The following CDH12 variants were observed in gnomAD, a reference collection of about 807,000 sequenced individuals.
CDH12 encodes the protein cadherin 12.
In CDH12, 41 loss-of-function variants were observed where a neutral mutation model predicts 74.1. That is an observed-to-expected ratio of 0.55 (90% CI 0.43 to 0.72). The LOEUF (loss-of-function observed/expected upper bound fraction) is 0.72, where lower values mean the gene tolerates loss of function less well. CDH12 is among the 30% of genes least tolerant of loss of function. The probability of loss-of-function intolerance (pLI) is 0.00; values close to 1 mark genes in which losing one functional copy is unlikely to be tolerated. For missense variants in CDH12, 945 were observed against 977.2 expected (o/e 0.97, Z 0.44); for synonymous variants, 399 against 355.0 (o/e 1.12, Z -1.39).
At chr5:21,865,309 T>A (rs1751268791) in intron 6 of CDH12, among the ~76,000 whole-genome samples, 1 of 152,144 alleles carries the variant, frequency 6.6e-6, no homozygotes, top group Non-Finnish European at 1.5e-5. Context: ...CCTAGCCATC[T>A]AATAAATGAA....
At chr5:22,713,430 C>T (rs563140028) in intron 1 of CDH12, among the ~76,000 whole-genome samples, 3 of 152,016 alleles carry the variant, frequency 2.0e-5, no homozygotes, top group South Asian at 4.2e-4. Flanking sequence ...CATGAGCCAC[C>T]GCACCCGGCC....
chr5:22,843,869 A>G (rs1338325579), intron 1 of CDH12, among the ~76,000 whole-genome samples: 2 of 152,084 alleles, frequency 1.3e-5, no homozygotes, highest in Non-Finnish European at 2.9e-5. Flanking sequence ...TTGATAAGAC[A>G]TTTATAAGAA....
intron 3 of CDH12, among the ~76,000 whole-genome samples, chr5:22,265,207 C>G (rs955505470): frequency 6.6e-6 from 1 of 152,038 alleles, no homozygotes; most frequent in Admixed American, 6.6e-5. Context: ...CATCAATCAG[C>G]AGGAGGTTAG....
chr5:22,583,587 A>C (rs973396109), intron 1 of CDH12, among the ~76,000 whole-genome samples: 1 of 152,182 alleles, frequency 6.6e-6, no homozygotes, highest in Non-Finnish European at 1.5e-5. Context: ...ACACATGTAG[A>C]GGTTATTTGC....
At chr5:21,973,140 A>G (rs1476838795) in intron 6 of CDH12, among the ~76,000 whole-genome samples, 1 of 151,984 alleles carries the variant, frequency 6.6e-6, no homozygotes, top group African/African-American at 2.4e-5. Flanking sequence ...CCAGGAATTT[A>G]AGGCTTCAGT....
chr5:21,844,023 C>G (rs1041873411), intron 7 of CDH12, among the ~76,000 whole-genome samples: 4 of 152,208 alleles, frequency 2.6e-5, no homozygotes, highest in African/African-American at 7.2e-5. Flanking sequence ...ATTTCTATCA[C>G]TATCCAACAG....
At chr5:22,509,911 T>C (rs1258447144) in intron 1 of CDH12, among the ~76,000 whole-genome samples, 1 of 151,962 alleles carries the variant, frequency 6.6e-6, no homozygotes, top group Admixed American at 6.6e-5. Flanking sequence ...AAGCATGGTA[T>C]AGCACTGGAG....
intron 3 of CDH12, among the ~76,000 whole-genome samples, chr5:22,340,146 G>A: frequency 6.6e-6 from 1 of 152,114 alleles, no homozygotes. Context: ...TTGAGCATTA[G>A]CACTTCAGAA....
At chr5:22,535,157 TC>T (rs373061766) in intron 1 of CDH12, among the ~76,000 whole-genome samples, 14,676 of 128,384 alleles carry the variant, frequency 0.11, 1,542 homozygotes, top group East Asian at 0.33. Context: ...TTTTTTTTTT[TC>T]TTTTTTTTTT....
intron 1 of CDH12, among the ~76,000 whole-genome samples, chr5:22,713,608 CG>C (rs1205906147): frequency 6.6e-6 from 1 of 151,566 alleles, no homozygotes; most frequent in African/African-American, 2.4e-5. Context: ...AATAAATTAT[CG>C]ATTAGAGATA....
intron 5 of CDH12, among the ~76,000 whole-genome samples, chr5:21,982,560 C>T (rs1468815392): frequency 6.6e-6 from 1 of 151,322 alleles, no homozygotes; most frequent in Non-Finnish European, 1.5e-5. Context: ...TATATATCCT[C>T]TATATATGGA....
At chr5:21,982,948 C>T (rs1757372679) in intron 5 of CDH12, among the ~76,000 whole-genome samples, 3 of 152,006 alleles carry the variant, frequency 2.0e-5, no homozygotes, top group Admixed American at 6.6e-5. Context: ...CATCCCACTT[C>T]TGAGGTCTGA....
intron 3 of CDH12, among the ~76,000 whole-genome samples, chr5:22,231,163 G>A (rs945575891): frequency 1.3e-5 from 2 of 152,022 alleles, no homozygotes; most frequent in African/African-American, 4.8e-5. Context: ...ATGTGTATTT[G>A]TGTTATATCA....
intron 4 of CDH12, among the ~76,000 whole-genome samples, chr5:22,128,919 G>A (rs1746027112): frequency 6.6e-6 from 1 of 152,174 alleles, no homozygotes; most frequent in Admixed American, 6.5e-5. Flanking sequence ...GAGCTACAGT[G>A]GGATGGATTT....
intron 4 of CDH12, among the ~76,000 whole-genome samples, chr5:22,107,436 C>T (rs1455090357): frequency 8.4e-6 from 1 of 118,664 alleles, no homozygotes; most frequent in African/African-American, 3.2e-5. Flanking sequence ...GGGCCTTCTG[C>T]TCTTCATATA....
intron 3 of CDH12, among the ~76,000 whole-genome samples, chr5:22,302,703 T>C (rs1217743827): frequency 6.6e-6 from 1 of 152,196 alleles, no homozygotes. Context: ...TCTGAAAACA[T>C]ATGTATCTAG....
At chr5:22,682,304 T>C (rs1411301438) in intron 1 of CDH12, among the ~76,000 whole-genome samples, 3 of 152,246 alleles carry the variant, frequency 2.0e-5, no homozygotes, top group East Asian at 3.9e-4. Context: ...ATTGCCTAGA[T>C]ACTTAATAAT....
At chr5:22,107,875 C>T (rs1744574724) in intron 4 of CDH12, among the ~76,000 whole-genome samples, 1 of 151,928 alleles carries the variant, frequency 6.6e-6, no homozygotes, top group South Asian at 2.1e-4. Context: ...ACTAAAGCAG[C>T]AGGGATATAA....
intron 2 of CDH12, among the ~76,000 whole-genome samples, chr5:22,416,442 G>A (rs912660079): frequency 1.3e-5 from 2 of 152,078 alleles, no homozygotes; most frequent in East Asian, 1.9e-4. Context: ...TATATACTAC[G>A]TATGGTAATG....
Sources: allele counts gnomAD v4.1 joint callset (sites outside exome capture counted in the v4.1 genomes callset), GRCh38; gene constraint gnomAD v4.1.1; transcripts MANE v1.5; gene names NCBI Gene and HGNC (gene_info 2026-07-23, HGNC 2026-07-21).